The following FOXP2 variants were observed in gnomAD, a reference collection of about 807,000 sequenced individuals.
FOXP2 encodes forkhead box P2, also known as forkhead box protein P2.
FOXP2 carries 12 observed loss-of-function variants against 115.8 expected under a neutral mutation model. That is an observed-to-expected ratio of 0.10 (90% CI 0.07 to 0.17). FOXP2 has a LOEUF of 0.17. Among genes scored for constraint, FOXP2 ranks in the 10% least tolerant of loss-of-function variants. The pLI, the probability that FOXP2 is intolerant of heterozygous loss-of-function variation, is 1.00. For synonymous variants in FOXP2, 328 were observed against 297.7 expected, an observed-to-expected ratio of 1.10 and a Z score of -1.05; for missense variants, 629 against 843.5, an observed-to-expected ratio of 0.75 and a Z score of 3.15.
At chr7:114,497,689 ATAAATAAATAAATAAAT>A (rs1272700123) in intron 2 of FOXP2, among the ~76,000 whole-genome samples, 1 of 151,090 alleles carries the variant, frequency 6.6e-6, no homozygotes, top group Non-Finnish European at 1.5e-5. Flanking sequence ...AAATAAATAA[ATAAATAAATAAATAAAT>A]AAAAGTTGCA....
At chr7:114,614,584 A>G (rs1584952953) in intron 3 of FOXP2, among the ~76,000 whole-genome samples, 1 of 152,072 alleles carries the variant, frequency 6.6e-6, no homozygotes, top group East Asian at 1.9e-4. Context: ...CTCCTTCACA[A>G]TTATTCCACG....
At chr7:114,412,841 T>A (rs1793198360), upstream of FOXP2, among the ~76,000 whole-genome samples, 1 of 152,080 alleles carries the variant, frequency 6.6e-6, no homozygotes, top group Non-Finnish European at 1.5e-5. Context: ...AAACCCAGCT[T>A]TTTGCAAAGA....
At position 114,608,953 on chromosome 7, in the gene FOXP2, C is replaced by T. The variant is rs924491926; in HGVS notation, c.259-19587C>T. ...GTGGCTCACACCTGTAATCCCAGCA[C>T]TTTGGAAGGCCGAGGCGGGCGGATC... On this transcript the variant is annotated intron_variant, in intron 3 of 16. Coordinates refer to ENST00000350908, the MANE Select transcript of FOXP2 (RefSeq NM_014491.4). 6.6e-5 allele frequency among the ~76,000 whole-genome samples: 10 copies of T among 152,108 alleles called. No individual in the cohort carries two copies. The East Asian group carries it at 1.5e-3, about 23-fold the overall frequency.
chr7:114,225,823 T>TC (rs1307313767), intron 1 of FOXP2, among the ~76,000 whole-genome samples: 1 of 152,224 alleles, frequency 6.6e-6, no homozygotes, highest in East Asian at 1.9e-4. Flanking sequence ...TATTCTTTTT[T>TC]CCCACTAAGT....
chr7:114,656,697 G>T, intron 10 of FOXP2: 1 of 180,748 alleles, frequency 5.5e-6, no homozygotes, highest in Non-Finnish European at 1.2e-5. Flanking sequence ...ATGCCTTCAG[G>T]GTGCCAGTCG....
chr7:114,508,479 C>G (rs1231596554), intron 2 of FOXP2, among the ~76,000 whole-genome samples: 2 of 152,138 alleles, frequency 1.3e-5, no homozygotes, highest in East Asian at 3.9e-4. Flanking sequence ...AGCATGTGGT[C>G]TTAGTGCTTT....
At chr7:114,588,095 G>A (rs375352165) in intron 3 of FOXP2, among the ~76,000 whole-genome samples, 1 of 151,690 alleles carries the variant, frequency 6.6e-6, no homozygotes, top group Non-Finnish European at 1.5e-5. Flanking sequence ...GGATCACGAG[G>A]TCAGGAGATC....
At chr7:114,253,167 T>C (rs973196239) in intron 1 of FOXP2, among the ~76,000 whole-genome samples, 2 of 152,218 alleles carry the variant, frequency 1.3e-5, no homozygotes, top group Admixed American at 6.5e-5. Context: ...CAGTTTGTTA[T>C]AATTTCTGTT....
chr7:114,482,527 T>C (rs1796603333), intron 2 of FOXP2, among the ~76,000 whole-genome samples: 1 of 151,654 alleles, frequency 6.6e-6, no homozygotes, highest in African/African-American at 2.4e-5. Context: ...TATGTCTTTA[T>C]CACGAAGAAA....
intron 1 of FOXP2, among the ~76,000 whole-genome samples, chr7:114,243,089 T>C (rs1268407336): frequency 2.0e-5 from 3 of 152,050 alleles, no homozygotes; most frequent in South Asian, 4.1e-4. Context: ...ATTGTATTGA[T>C]TTTCTGAATT....
In FOXP2 at chr7:114,497,312, C is replaced by T. The variant is rs1467017925; in HGVS notation, c.169-37305C>T. Reference sequence around the variant, plus strand: ...AAAGTTATTTTTAAAATTTTGGGGTCGAATACATATATTTAAGAAAATACA... The same window carrying T: ...AAAGTTATTTTTAAAATTTTGGGGTTGAATACATATATTTAAGAAAATACA... On this transcript the variant is annotated intron_variant, in intron 2 of 16. Transcript: ENST00000350908. Among the ~76,000 whole-genome samples the T allele has an allele frequency of 3.3e-5, 5 of 152,004 alleles. No individual in the cohort carries two copies. The East Asian group carries it at 5.8e-4, about 18-fold the overall frequency.
At chr7:114,182,218 T>G (rs577829027) in intron 1 of FOXP2, among the ~76,000 whole-genome samples, 43 of 152,128 alleles carry the variant, frequency 2.8e-4, no homozygotes, top group Middle Eastern at 3.4e-3. Flanking sequence ...GTAATAAAAC[T>G]TCATATATTT....
intron 3 of FOXP2, among the ~76,000 whole-genome samples, chr7:114,549,805 A>G (rs1800110918): frequency 6.6e-6 from 1 of 152,156 alleles, no homozygotes; most frequent in Non-Finnish European, 1.5e-5. Flanking sequence ...AAATAGTATA[A>G]TAAACCTTTC....
Position 114,658,125 on chromosome 7 carries a change from C to T in FOXP2, c.1326C>T (p.Ser442=). ...ATATGTTGGAGACATCCCCACAGAG[C>T]TTACCTCAAACCCCTACCACACCAA... The part of the protein sequence containing the change: ...SKNMLETSPQ[S]LPQTPTTPTA... Residue 442 remains serine (S), a synonymous_variant, in exon 11 of 17, where the codon AGC becomes AGT. Coordinates refer to ENST00000350908, the MANE Select transcript of FOXP2 (RefSeq NM_014491.4). 1.2e-6 allele frequency: 2 copies of T among 1,613,958 alleles called. No individual in the cohort carries two copies. Among genetic ancestry groups the T allele is most frequent in the Non-Finnish European group, 8.5e-7 (1 of 1,179,894 alleles).
At chr7:114,373,401 C>T (rs1236112273) in intron 2 of FOXP2, among the ~76,000 whole-genome samples, 7 of 152,000 alleles carry the variant, frequency 4.6e-5, no homozygotes, top group East Asian at 3.9e-4. Flanking sequence ...ATTACCAGTA[C>T]GTAATCCAAC....
At chr7:114,619,079 C>A (rs1804099140) in intron 3 of FOXP2, among the ~76,000 whole-genome samples, 1 of 152,128 alleles carries the variant, frequency 6.6e-6, no homozygotes, top group Admixed American at 6.5e-5. Flanking sequence ...CGATATTCAA[C>A]TTGAATTTTT....
chr7:114,431,453 G>C (rs1794107078), intron 2 of FOXP2, among the ~76,000 whole-genome samples: 1 of 151,956 alleles, frequency 6.6e-6, no homozygotes, highest in African/African-American at 2.4e-5. Context: ...ACAGAAGAAA[G>C]TCTAAGTAAC....
chr7:114,523,954 T>C (rs1235130853), intron 2 of FOXP2, among the ~76,000 whole-genome samples: 1 of 152,212 alleles, frequency 6.6e-6, no homozygotes, highest in Admixed American at 6.6e-5. Flanking sequence ...GTTACCTTGG[T>C]TACATATTCT....
intron 1 of FOXP2, among the ~76,000 whole-genome samples, chr7:114,272,882 G>T (rs1796101224): frequency 6.6e-6 from 1 of 151,708 alleles, no homozygotes; most frequent in African/African-American, 2.4e-5. Context: ...TCTTTTCAAA[G>T]AATTAATTTT....
Sources: gnomAD v4.1 joint callset for allele counts (sites outside exome capture counted in the v4.1 genomes callset) on GRCh38, gnomAD v4.1.1 for gene constraint, MANE v1.5 for transcripts, NCBI Gene and HGNC (gene_info 2026-07-23, HGNC 2026-07-21) for gene names.